TMEM132D: variants seen among roughly 807,000 people sequenced by gnomAD.
TMEM132D encodes transmembrane protein 132D.
Under a neutral mutation model 62.3 loss-of-function variants are expected in TMEM132D, and 21 were observed. The observed-to-expected ratio is 0.34, with a 90% CI of 0.24 to 0.49. TMEM132D has a LOEUF of 0.49. TMEM132D is among the 20% of genes least tolerant of loss of function. The probability of loss-of-function intolerance (pLI) is 0.99; values close to 1 mark genes in which losing one functional copy is unlikely to be tolerated. For synonymous variants in TMEM132D, 621 were observed against 575.6 expected (o/e 1.08, Z -1.13); for missense variants, 1,346 against 1,402.8 (o/e 0.96, Z 0.65).
chr12:129,658,833 G>C (rs1272367623), intron 2 of TMEM132D, among the ~76,000 whole-genome samples: 1 of 152,174 alleles, frequency 6.6e-6, no homozygotes, highest in Admixed American at 6.5e-5. Context: ...AATGAAGGAT[G>C]AGAGGCCATG....
Position 129,074,771 on chromosome 12 carries a change from C to T in TMEM132D, c.2404G>A (p.Ala802Thr), listed in dbSNP as rs1300106059. ...NIKVKFGQND[A>T]NPNTSDSRHT... The stretch of plus-strand genomic sequence containing the variant: ...CTGCTGTCACTGGTGTTGGGGTTAG[C>T]ATCGTTTTGGCCAAATTTAACTTTG... Residue 802 changes from alanine to threonine, a missense_variant, in exon 9 of 9, where the codon GCT becomes ACT. Physicochemically the swap from Ala to Thr is moderately conservative, Grantham distance 58. Coordinates refer to ENST00000422113, the MANE Select transcript of TMEM132D (RefSeq NM_133448.3). 1.4e-5 allele frequency: 22 copies of T among 1,614,118 alleles called. No homozygotes were observed. The highest frequency in any genetic ancestry group is 1.9e-5 in the Non-Finnish European group (22 of 1,180,030).
intron 5 of TMEM132D, among the ~76,000 whole-genome samples, chr12:129,155,730 GC>G (rs1205753193): frequency 6.6e-6 from 1 of 152,144 alleles, no homozygotes; most frequent in African/African-American, 2.4e-5. Flanking sequence ...TTTATCAGGA[GC>G]CCATTCCCAT....
chr12:129,492,393 A>G (rs1024674166), intron 3 of TMEM132D, among the ~76,000 whole-genome samples: 3 of 152,224 alleles, frequency 2.0e-5, no homozygotes. Context: ...TTTGTCTATA[A>G]AGTGATGGAA....
At chr12:129,790,202 A>G (rs939788331) in intron 1 of TMEM132D, among the ~76,000 whole-genome samples, 2 of 152,202 alleles carry the variant, frequency 1.3e-5, no homozygotes, top group Admixed American at 6.5e-5. Flanking sequence ...ATCTAGGGGG[A>G]TGCCCACGAC....
chr12:129,874,590 G>GT (rs1366248238), intron 1 of TMEM132D, among the ~76,000 whole-genome samples: 1 of 108,552 alleles, frequency 9.2e-6, no homozygotes, highest in African/African-American at 3.2e-5. Flanking sequence ...ATAAAGCTAG[G>GT]TTAAAAAAAA....
At chr12:129,737,850 G>C (rs1286688197) in intron 1 of TMEM132D, among the ~76,000 whole-genome samples, 2 of 152,210 alleles carry the variant, frequency 1.3e-5, no homozygotes, top group Admixed American at 6.5e-5. Flanking sequence ...AGCTGCCCAG[G>C]ATCTGATTTC....
chr12:129,165,130 G>C (rs1289527936), intron 5 of TMEM132D, among the ~76,000 whole-genome samples: 1 of 152,180 alleles, frequency 6.6e-6, no homozygotes, highest in Non-Finnish European at 1.5e-5. Context: ...TGCACCGAAT[G>C]ATCTGATTTA....
At chr12:129,782,439 C>T (rs1228541065) in intron 1 of TMEM132D, among the ~76,000 whole-genome samples, 2 of 152,184 alleles carry the variant, frequency 1.3e-5, no homozygotes, top group East Asian at 3.8e-4. Flanking sequence ...GTTGTTTGTA[C>T]AAATGTGGTG....
chr12:129,611,925 G>A (rs1404796277), intron 2 of TMEM132D, among the ~76,000 whole-genome samples: 2 of 152,116 alleles, frequency 1.3e-5, no homozygotes, highest in African/African-American at 4.8e-5. Context: ...TTCCCACTAA[G>A]AGAAACATCC....
At chr12:129,290,055 T>A (rs1282774983) in intron 4 of TMEM132D, among the ~76,000 whole-genome samples, 2 of 152,234 alleles carry the variant, frequency 1.3e-5, no homozygotes, top group Admixed American at 1.3e-4. Context: ...TTCCTGGTTT[T>A]GATCCTTGTA....
chr12:129,228,408 A>G (rs1263394166), intron 4 of TMEM132D, among the ~76,000 whole-genome samples: 2 of 152,164 alleles, frequency 1.3e-5, no homozygotes. Flanking sequence ...TGTGCAATTC[A>G]TTAGTTTTTA....
chr12:129,137,616 C>T (rs1308592967), intron 5 of TMEM132D, among the ~76,000 whole-genome samples: 1 of 152,158 alleles, frequency 6.6e-6, no homozygotes, highest in Non-Finnish European at 1.5e-5. Context: ...GTGATACCTT[C>T]TAGACAGTAG....
intron 1 of TMEM132D, among the ~76,000 whole-genome samples, chr12:129,747,275 C>T (rs938673543): frequency 1.4e-5 from 2 of 142,792 alleles, no homozygotes; most frequent in South Asian, 2.4e-4. Flanking sequence ...CCAGCTTGGA[C>T]CTTTCCATCC....
intron 2 of TMEM132D, among the ~76,000 whole-genome samples, chr12:129,591,915 TGG>T (rs1878201248): frequency 2.6e-5 from 4 of 152,300 alleles, no homozygotes; most frequent in African/African-American, 9.6e-5. Context: ...AAATTCAAGA[TGG>T]GTCCAATTGA....
chr12:129,339,847 G>C (rs1869410821), intron 3 of TMEM132D, among the ~76,000 whole-genome samples: 1 of 152,136 alleles, frequency 6.6e-6, no homozygotes, highest in Non-Finnish European at 1.5e-5. Context: ...TGAGCTGTGT[G>C]AACACCGGCA....
chr12:129,247,862 AG>A (rs1187877127), intron 4 of TMEM132D, among the ~76,000 whole-genome samples: 1 of 131,020 alleles, frequency 7.6e-6, no homozygotes, highest in Non-Finnish European at 1.6e-5. Context: ...TTCAATGAGC[AG>A]GTTTTTTTTT....
intron 1 of TMEM132D, among the ~76,000 whole-genome samples, chr12:129,806,939 C>A (rs1381845023): frequency 6.6e-6 from 1 of 152,038 alleles, no homozygotes; most frequent in African/African-American, 2.4e-5. Context: ...GAGGCTGAAG[C>A]AGGAGGATCA....
At chr12:129,353,885 T>C (rs953561186) in intron 3 of TMEM132D, among the ~76,000 whole-genome samples, 1 of 151,854 alleles carries the variant, frequency 6.6e-6, no homozygotes, top group African/African-American at 2.4e-5. Flanking sequence ...TTTGGAGGCA[T>C]CTCTCGGAGG....
chr12:129,219,623 C>T (rs1006144253), intron 4 of TMEM132D, among the ~76,000 whole-genome samples: 1 of 152,210 alleles, frequency 6.6e-6, no homozygotes, highest in Admixed American at 6.5e-5. Flanking sequence ...AAAGGGGGCA[C>T]ACCTGGGCCT....
Sources: gnomAD v4.1 joint callset for allele counts (sites outside exome capture counted in the v4.1 genomes callset) on GRCh38, gnomAD v4.1.1 for gene constraint, MANE v1.5 for transcripts, NCBI Gene and HGNC (gene_info 2026-07-23, HGNC 2026-07-21) for gene names.